Variants in DCBLD2 observed in about 807,000 individuals in gnomAD.
The protein encoded by DCBLD2 is discoidin, CUB and LCCL domain-containing protein 2.
Under a neutral mutation model 86.8 loss-of-function variants are expected in DCBLD2, and 54 were observed. The ratio of observed to expected loss-of-function variants is 0.62; its 90% CI spans 0.50 to 0.78. The LOEUF (loss-of-function observed/expected upper bound fraction) is 0.78, where lower values mean the gene tolerates loss of function less well. Ranked by LOEUF, DCBLD2 falls within the 30% of genes least tolerant of loss-of-function variation. The pLI is 0.00. For missense variants in DCBLD2, 908 were observed against 954.2 expected (o/e 0.95, Z 0.64); for synonymous variants, 354 against 341.3 (o/e 1.04, Z -0.41).
intron 2 of DCBLD2, among the ~76,000 whole-genome samples, chr3:98,864,419 G>C (rs1313899074): frequency 3.9e-5 from 6 of 152,076 alleles, no homozygotes; most frequent in Non-Finnish European, 8.8e-5. Flanking sequence ...GTTTATTGTG[G>C]CACTATTCAC....
chr3:98,870,264 A>T (rs1205084337), intron 2 of DCBLD2, among the ~76,000 whole-genome samples: 1 of 152,116 alleles, frequency 6.6e-6, no homozygotes, highest in African/African-American at 2.4e-5. Flanking sequence ...ATTTGGCTTT[A>T]TATCTGGGTT....
At chr3:98,810,082 C>T (rs1194373990) in intron 12 of DCBLD2, among the ~76,000 whole-genome samples, 1 of 152,138 alleles carries the variant, frequency 6.6e-6, no homozygotes, top group Non-Finnish European at 1.5e-5. Context: ...TTTGGGCATA[C>T]AGGGATCCTA....
At chr3:98,861,103 C>G (rs1943035036) in intron 2 of DCBLD2, among the ~76,000 whole-genome samples, 1 of 152,038 alleles carries the variant, frequency 6.6e-6, no homozygotes, top group Non-Finnish European at 1.5e-5. Flanking sequence ...GACTTTAAAC[C>G]AACAAAGATT....
chr3:98,851,550 C>T (rs1429533198), intron 2 of DCBLD2, among the ~76,000 whole-genome samples: 1 of 152,148 alleles, frequency 6.6e-6, no homozygotes, highest in Non-Finnish European at 1.5e-5. Context: ...ATCAAGCTAC[C>T]ATTGACTTTC....
Position 98,796,564 on chromosome 3 carries a change from C to A in DCBLD2, c.*2808G>T, listed in dbSNP as rs893645006. On this transcript the variant is annotated 3_prime_UTR_variant, in exon 16 of 16. Transcript: ENST00000326840. ...CCCCTCTTCTGGAGATGGGGAGAGG[C>A]AAGTGTGTATGTGTTGTCATACTTA... 1.3e-5 allele frequency: 2 copies of A among 152,584 alleles called. No individual in the cohort carries two copies. Among genetic ancestry groups the A allele is most frequent in the Admixed American group, 6.5e-5 (1 of 15,268 alleles). 9.5% of individuals were successfully genotyped at this position (152,584 alleles called of 1,614,324 possible). A position where few individuals can be genotyped will look rare whatever the true frequency, so the allele number is the denominator to read the frequency against.
At chr3:98,805,907 G>T (rs1161281616) in intron 13 of DCBLD2, among the ~76,000 whole-genome samples, 1 of 152,118 alleles carries the variant, frequency 6.6e-6, no homozygotes, top group African/African-American at 2.4e-5. Context: ...GCAGCAGTGG[G>T]TAAGAGCACG....
chr3:98,839,020 AC>A (rs1247367084), intron 3 of DCBLD2, among the ~76,000 whole-genome samples: 12 of 106,844 alleles, frequency 1.1e-4, no homozygotes, highest in African/African-American at 3.4e-4. Flanking sequence ...TGAGAGGGAG[AC>A]CGTCGGGAGA....
intron 5 of DCBLD2, 135 bp from the exon 6 acceptor site, chr3:98,822,496 G>T: frequency 1.6e-6 from 2 of 1,289,834 alleles, no homozygotes; most frequent in Non-Finnish European, 2.1e-6. Context: ...TAGATTATTG[G>T]TACTGTAACA....
chr3:98,870,806 A>AAAGAAAGAAAGAAAGAAAGGAAGAAAGG (rs1559794673), intron 2 of DCBLD2, among the ~76,000 whole-genome samples: 13 of 123,388 alleles, frequency 1.1e-4, no homozygotes, highest in East Asian at 4.6e-4. Context: ...AGAAAGAAAG[A>AAAGAAAGAAAGAAAGAAAGGAAGAAAGG]AAGAAAGGTA....
chr3:98,847,075 T>C (rs556076568), intron 3 of DCBLD2, among the ~76,000 whole-genome samples: 2 of 152,296 alleles, frequency 1.3e-5, no homozygotes, highest in African/African-American at 4.8e-5. Context: ...TAAAGGACGG[T>C]AATCCATTAT....
At chr3:98,864,985 AAT>A (rs1468875225) in intron 2 of DCBLD2, among the ~76,000 whole-genome samples, 1 of 152,214 alleles carries the variant, frequency 6.6e-6, no homozygotes, top group African/African-American at 2.4e-5. Context: ...ATGTGGAGAA[AAT>A]GGTACACTTC....
At chr3:98,894,922 G>T (rs188932763) in intron 1 of DCBLD2, among the ~76,000 whole-genome samples, 6 of 152,252 alleles carry the variant, frequency 3.9e-5, no homozygotes, top group South Asian at 4.2e-4. Context: ...AGTGTGGAAT[G>T]TATTATCCGG....
At chr3:98,884,890 G>A (rs772765377) in intron 1 of DCBLD2, among the ~76,000 whole-genome samples, 4 of 152,170 alleles carry the variant, frequency 2.6e-5, no homozygotes, top group South Asian at 2.1e-4. Context: ...TTCAACTTAC[G>A]GTTGTCATTT....
intron 3 of DCBLD2, among the ~76,000 whole-genome samples, chr3:98,832,490 G>C (rs1473628673): frequency 1.3e-5 from 2 of 152,222 alleles, no homozygotes; most frequent in African/African-American, 4.8e-5. Flanking sequence ...GTTGTTAGCT[G>C]ATTATTATGC....
At chr3:98,872,331 G>A (rs1310943093) in intron 2 of DCBLD2, among the ~76,000 whole-genome samples, 1 of 152,108 alleles carries the variant, frequency 6.6e-6, no homozygotes, top group Admixed American at 6.6e-5. Context: ...TAGTTACCAT[G>A]ACAGTGGGTT....
rs1172879709 is a variant in DCBLD2, at chr3:98,870,735, GAAA to G, written c.433+10802_433+10804del. 2.0e-4 allele frequency among the ~76,000 whole-genome samples: 12 copies of G among 60,208 alleles called. No homozygotes were observed. In the South Asian group the frequency reaches 6.2e-3, roughly 31 times the overall value. 39.5% of individuals were successfully genotyped at this position (60,208 alleles called of 152,430 possible). On this transcript the variant is annotated intron_variant, in intron 2 of 15. Transcript: ENST00000326840. ...GAAAGAAAAAGGAAAAGAAAAGAAA[GAAA>G]AAGAAAGAAAGAAAGAAAGAAAGAA... is the stretch of plus-strand genomic sequence containing the variant.
intron 3 of DCBLD2, among the ~76,000 whole-genome samples, chr3:98,826,700 A>G (rs1471959633): frequency 6.6e-6 from 1 of 152,220 alleles, no homozygotes; most frequent in Non-Finnish European, 1.5e-5. Context: ...GGTATACAGG[A>G]GACTTATTTA....
At position 98,822,257 on chromosome 3, in the gene DCBLD2, A is replaced by C. The variant is rs758258821; in HGVS notation, c.801T>G (p.Ser267Arg). ...VISKGIPYYESSLANNVTSVV... is the reference protein window; with the variant it reads ...VISKGIPYYERSLANNVTSVV... Reference sequence around the variant, plus strand: ...CAGATGTGACGTTGTTAGCCAAAGAACTTTCATAATAGGGGATACCTTTAC... The same window carrying C: ...CAGATGTGACGTTGTTAGCCAAAGACCTTTCATAATAGGGGATACCTTTAC... The change falls in exon 6 of 16, where the codon AGT becomes AGG. Residue 267 changes from serine (S) to arginine (R), a missense_variant. This residue lies in a region of DCBLD2 where 606 missense variants were observed against 678.5 expected (regional missense o/e 0.89). Transcript: ENST00000326840. 2 of 1,613,866 alleles carry C rather than the reference A, an allele frequency of 1.2e-6. No homozygotes were observed. The highest frequency in any genetic ancestry group is 8.5e-7 in the Non-Finnish European group (1 of 1,179,852).
intron 2 of DCBLD2, among the ~76,000 whole-genome samples, chr3:98,872,892 T>C (rs1943304365): frequency 6.6e-6 from 1 of 152,050 alleles, no homozygotes. Context: ...TAAATGCGAA[T>C]GGATTTAACT....
Sources: allele counts gnomAD v4.1 joint callset (sites outside exome capture counted in the v4.1 genomes callset), GRCh38; gene constraint gnomAD v4.1.1; regional missense constraint gnomAD v4.1.1; transcripts MANE v1.5; gene names NCBI Gene and HGNC (gene_info 2026-07-23, HGNC 2026-07-21).